UTRN: variants seen among roughly 807,000 people sequenced by gnomAD.
UTRN encodes the protein utrophin.
UTRN carries 283 observed loss-of-function variants against 463.9 expected under a neutral mutation model. The observed-to-expected ratio is 0.61, with a 90% CI of 0.55 to 0.67. The LOEUF (loss-of-function observed/expected upper bound fraction) is 0.67, where lower values mean the gene tolerates loss of function less well. UTRN is among the 30% of genes least tolerant of loss of function. The probability of loss-of-function intolerance (pLI) is 0.00; values close to 1 mark genes in which losing one functional copy is unlikely to be tolerated. For synonymous variants in UTRN, 1,442 were observed against 1,431.5 expected, an observed-to-expected ratio of 1.01 and a Z score of -0.17; for missense variants, 3,922 against 4,084.3, an observed-to-expected ratio of 0.96 and a Z score of 1.08.
At chr6:144,308,763 C>T (rs1805980892) in intron 2 of UTRN, among the ~76,000 whole-genome samples, 1 of 152,212 alleles carries the variant, frequency 6.6e-6, no homozygotes. Context: ...TCTTCTGCAT[C>T]CCTATGATTT....
At chr6:144,627,096 A>G (rs1360472632) in intron 51 of UTRN, among the ~76,000 whole-genome samples, 3 of 146,532 alleles carry the variant, frequency 2.0e-5, no homozygotes, top group Non-Finnish European at 3.0e-5. Context: ...TGTGTGCACT[A>G]CGCGGCAGAT....
chr6:144,788,490 A>G (rs1475809592), intron 61 of UTRN, among the ~76,000 whole-genome samples: 1 of 151,560 alleles, frequency 6.6e-6, no homozygotes, highest in Non-Finnish European at 1.5e-5. Flanking sequence ...AGTCATATAT[A>G]TATATAGTGT....
intron 28 of UTRN, 53 bp downstream of exon 28, chr6:144,485,572 G>A (rs564052930): frequency 1.2e-5 from 19 of 1,607,914 alleles, no homozygotes; most frequent in African/African-American, 9.4e-5. Context: ...GAGGCCACAC[G>A]TGTATTACAA....
At chr6:144,332,955 A>G (rs974426181) in intron 2 of UTRN, among the ~76,000 whole-genome samples, 1 of 144,732 alleles carries the variant, frequency 6.9e-6, no homozygotes, top group African/African-American at 2.6e-5. Flanking sequence ...TTTATTTGAG[A>G]TGGAGTCTCA....
rs73781913 is a variant in UTRN, at chr6:144,537,756, C to T, written c.6369+39C>T. ...TTCTGTCTATATGCCTTTTGGTGCC[C>T]GAACATTATACTTCAGAGTCACATA... On this transcript the variant is annotated intron_variant, in intron 44 of 74. Coordinates refer to ENST00000367545, the MANE Select transcript of UTRN (RefSeq NM_007124.3). The T allele has an allele frequency of 4.6e-3, 7,302 of 1,594,480 alleles. 317 individuals carry two copies. In the African/African-American group the frequency reaches 0.087, roughly 19 times the overall value.
chr6:144,696,523 TG>T (rs1784018893), intron 52 of UTRN, among the ~76,000 whole-genome samples: 1 of 152,228 alleles, frequency 6.6e-6, no homozygotes, highest in South Asian at 2.1e-4. Context: ...TCTGAAGACT[TG>T]ACTCTTTTCT....
intron 2 of UTRN, among the ~76,000 whole-genome samples, chr6:144,377,000 T>C (rs1780520832): frequency 1.3e-5 from 2 of 152,168 alleles, no homozygotes; most frequent in Admixed American, 1.3e-4. Flanking sequence ...TTCAAATCTG[T>C]GACTATTATA....
chr6:144,330,138 A>G (rs1179194447), intron 2 of UTRN, among the ~76,000 whole-genome samples: 1 of 152,218 alleles, frequency 6.6e-6, no homozygotes, highest in East Asian at 1.9e-4. Flanking sequence ...GAATCTATTC[A>G]AGTCCATAGT....
intron 46 of UTRN, 81 bp downstream of exon 46, chr6:144,542,951 A>G (rs1393273353): frequency 3.6e-6 from 4 of 1,118,384 alleles, no homozygotes; most frequent in Admixed American, 5.1e-5. Context: ...TACATGAATT[A>G]GAAAGACTTA....
At chr6:144,505,757 T>G (rs908293262) in intron 34 of UTRN, among the ~76,000 whole-genome samples, 1 of 152,234 alleles carries the variant, frequency 6.6e-6, no homozygotes, top group Non-Finnish European at 1.5e-5. Context: ...GTTCTGTATA[T>G]GTCTACTAGG....
At chr6:144,349,012 C>CT (rs941644291) in intron 2 of UTRN, among the ~76,000 whole-genome samples, 125 of 148,928 alleles carry the variant, frequency 8.4e-4, no homozygotes, top group Admixed American at 9.3e-4. Flanking sequence ...CTGAGCAGTT[C>CT]TTTTTTTTTT....
chr6:144,831,031 C>T (rs1395593749), intron 69 of UTRN, among the ~76,000 whole-genome samples: 3 of 152,138 alleles, frequency 2.0e-5, no homozygotes, highest in African/African-American at 7.2e-5. Context: ...AACTCACGAC[C>T]GCCATGCACC....
intron 51 of UTRN, among the ~76,000 whole-genome samples, chr6:144,645,876 A>C (rs1210679408): frequency 1.3e-5 from 2 of 152,166 alleles, no homozygotes; most frequent in Non-Finnish European, 2.9e-5. Flanking sequence ...CAACTCTTTA[A>C]AAAAATTTAT....
At chr6:144,489,135 C>T (rs543285119) in intron 30 of UTRN, among the ~76,000 whole-genome samples, 92 of 151,804 alleles carry the variant, frequency 6.1e-4, no homozygotes, top group Middle Eastern at 3.4e-3. Context: ...CTGCAACCTC[C>T]GCCTCCTGGG....
At chr6:144,289,027 G>T (rs1248084517) in intron 1 of UTRN, among the ~76,000 whole-genome samples, 1 of 152,024 alleles carries the variant, frequency 6.6e-6, no homozygotes, top group East Asian at 1.9e-4. Context: ...CTTGAACTCT[G>T]GACCTCAAGT....
chr6:144,520,870 G>T (rs1018465084), intron 39 of UTRN, among the ~76,000 whole-genome samples: 1 of 152,204 alleles, frequency 6.6e-6, no homozygotes, highest in Non-Finnish European at 1.5e-5. Context: ...AGCAGCTGCA[G>T]TTTGGCCCTT....
chr6:144,608,307 T>C (rs1029494856), intron 51 of UTRN, among the ~76,000 whole-genome samples: 1 of 152,174 alleles, frequency 6.6e-6, no homozygotes, highest in African/African-American at 2.4e-5. Flanking sequence ...TGCTGACTTA[T>C]TCTGCAGATT....
chr6:144,848,830 T>C (rs548857950), intron 74 of UTRN, among the ~76,000 whole-genome samples: 3 of 152,166 alleles, frequency 2.0e-5, no homozygotes, highest in Non-Finnish European at 4.4e-5. Context: ...CATTTTTTAC[T>C]TCAAGAAGTG....
rs1051503426 is a variant in UTRN, at chr6:144,768,377, T to A, written c.8496-3530T>A. ...GGGGCTCTTCAGAGTAAGGGGGCAC[T>A]TTTAATAATTATACCAGGATGCTGA... On this transcript the variant is annotated intron_variant, in intron 58 of 74. Coordinates refer to ENST00000367545, the MANE Select transcript of UTRN (RefSeq NM_007124.3). Among the ~76,000 whole-genome samples the A allele has an allele frequency of 3.3e-5, 5 of 152,296 alleles. No homozygotes were observed. In the South Asian group the frequency reaches 1.0e-3, roughly 32 times the overall value.
Sources: allele counts gnomAD v4.1 joint callset (sites outside exome capture counted in the v4.1 genomes callset), GRCh38; gene constraint gnomAD v4.1.1; transcripts MANE v1.5; gene names NCBI Gene and HGNC (gene_info 2026-07-23, HGNC 2026-07-21).